ARHGAP28: variants seen among roughly 807,000 people sequenced by gnomAD.
ARHGAP28 encodes Rho GTPase activating protein 28.
ARHGAP28 carries 56 observed loss-of-function variants against 90.7 expected under a neutral mutation model. The observed-to-expected ratio is 0.62, with a 90% CI of 0.50 to 0.77. The LOEUF (loss-of-function observed/expected upper bound fraction) is 0.77, where lower values mean the gene tolerates loss of function less well. Ranked by LOEUF, ARHGAP28 falls within the 30% of genes least tolerant of loss-of-function variation. ARHGAP28 has a pLI of 0.00. For missense variants in ARHGAP28, 869 were observed against 900.9 expected (o/e 0.96, Z 0.45); for synonymous variants, 308 against 323.3 (o/e 0.95, Z 0.51).
chr18:6,896,598 A>T lies in ARHGAP28; in HGVS notation c.2002A>T (p.Ile668Leu). The change falls in exon 16 of 18, where the codon ATA becomes TTA. Residue 668 changes from isoleucine (I) to leucine (L), a missense_variant. By Grantham distance (5) the Ile-to-Leu change is conservative. Transcript: ENST00000383472. ...CAACAATCAAACCAAAGCCAAAGAC[A>T]TATTGGCAAAATTTCAATATGAAAA... Reference protein sequence around the residue: ...QLNNQTKAKDILAKFQYENSH... With the variant: ...QLNNQTKAKDLLAKFQYENSH... 6.2e-7 allele frequency: 1 copy of T among 1,614,162 alleles called. No individual in the cohort carries two copies. Among genetic ancestry groups the T allele is most frequent in the Non-Finnish European group, 8.5e-7 (1 of 1,180,014 alleles).
rs146959306 is a variant in ARHGAP28 at position 6,736,072 on chromosome 18, A to G, written c.122+6129A>G. 1.4e-3 allele frequency among the ~76,000 whole-genome samples: 214 copies of G among 152,322 alleles called. 1 individual carries two copies. Among genetic ancestry groups the G allele is most frequent in the Admixed American group, 3.1e-3 (48 of 15,300 alleles). The stretch of plus-strand genomic sequence containing the variant: ...GGAGAGATACTTTGAGACTGTGGAA[A>G]TATCCTTTTTCTCCTTAAACTTTTA... On this transcript the variant is annotated intron_variant, in intron 1 of 17. Transcript: ENST00000383472.
intron 1 of ARHGAP28, among the ~76,000 whole-genome samples, chr18:6,786,066 T>G (rs1036473790): frequency 3.3e-5 from 5 of 152,156 alleles, no homozygotes; most frequent in African/African-American, 1.2e-4. Flanking sequence ...GAAGTTCTAT[T>G]GGGAGGAACA....
At chr18:6,729,964 C>G (rs1167139252) in intron 1 of ARHGAP28, 21 bp downstream of exon 1, 1 of 1,327,736 alleles carries the variant, frequency 7.5e-7, no homozygotes, top group Admixed American at 4.1e-5. Flanking sequence ...CCGCTCCCAC[C>G]AGGGCGGCGC....
At chr18:6,831,471 GTTTTTTT>G (rs57331018) in intron 2 of ARHGAP28, among the ~76,000 whole-genome samples, 1 of 109,306 alleles carries the variant, frequency 9.1e-6, no homozygotes, top group African/African-American at 3.5e-5. Context: ...GTATCTTGAT[GTTTTTTT>G]TTTTTTTTTC....
chr18:6,732,918 G>C (rs2055894960), intron 1 of ARHGAP28, among the ~76,000 whole-genome samples: 1 of 151,874 alleles, frequency 6.6e-6, no homozygotes, highest in Non-Finnish European at 1.5e-5. Context: ...CAAACTTTTG[G>C]TACTTGCATC....
intron 1 of ARHGAP28, 142 bp from the exon 2 acceptor site, chr18:6,824,620 C>T: frequency 1.4e-6 from 1 of 702,662 alleles, no homozygotes; most frequent in Non-Finnish European, 2.2e-6. Context: ...AGATTATTCC[C>T]TCAAACCTAT....
intron 1 of ARHGAP28, among the ~76,000 whole-genome samples, chr18:6,753,089 A>C (rs1407777215): frequency 1.3e-5 from 2 of 152,136 alleles, no homozygotes; most frequent in African/African-American, 4.8e-5. Flanking sequence ...CTGGGTCTAG[A>C]CTAGATGTAA....
chr18:6,909,168 G>C (rs2057380564), intron 17 of ARHGAP28, 144 bp downstream of exon 17: 1 of 570,502 alleles, frequency 1.8e-6, no homozygotes, highest in African/African-American at 1.9e-5. Context: ...TATCTCATGT[G>C]GGAACAGTTG....
At chr18:6,902,996 A>G (rs1567988642) in intron 16 of ARHGAP28, among the ~76,000 whole-genome samples, 1 of 152,236 alleles carries the variant, frequency 6.6e-6, no homozygotes, top group South Asian at 2.1e-4. Context: ...AAGGAAAGAA[A>G]TTCTGACATA....
intron 1 of ARHGAP28, among the ~76,000 whole-genome samples, chr18:6,803,096 T>C (rs924692227): frequency 6.6e-6 from 1 of 152,200 alleles, no homozygotes; most frequent in Non-Finnish European, 1.5e-5. Flanking sequence ...TCTTGCCTGA[T>C]TGCATTGGTT....
chr18:6,827,689 C>G (rs1237865253), intron 2 of ARHGAP28, among the ~76,000 whole-genome samples: 1 of 151,496 alleles, frequency 6.6e-6, no homozygotes, highest in Non-Finnish European at 1.5e-5. Flanking sequence ...TGGGCGGAGA[C>G]GCTTCTCACT....
rs148521459 is a variant in ARHGAP28 at position 6,814,803 on chromosome 18, A to C, written c.123-9959A>C. The stretch of plus-strand genomic sequence containing the variant: ...TTGATATAAAAAGACAATTTTTAAA[A>C]AGATGTTTATCCAGATTACTTGGTG... On this transcript the variant is annotated intron_variant, in intron 1 of 17. Transcript: ENST00000383472. Among the ~76,000 whole-genome samples, 512 of 152,352 alleles carry C rather than the reference A, an allele frequency of 3.4e-3. 3 individuals carry two copies. Among genetic ancestry groups the C allele is most frequent in the African/African-American group, 0.012 (486 of 41,588 alleles).
chr18:6,856,525 T>TC (rs2143333390), intron 4 of ARHGAP28, among the ~76,000 whole-genome samples: 1 of 152,264 alleles, frequency 6.6e-6, no homozygotes, highest in South Asian at 2.1e-4. Flanking sequence ...TTTTTGTGTT[T>TC]TAGAGACAGG....
intron 1 of ARHGAP28, among the ~76,000 whole-genome samples, chr18:6,793,029 C>T (rs183037227): frequency 1.3e-5 from 2 of 152,270 alleles, no homozygotes; most frequent in East Asian, 3.9e-4. Flanking sequence ...TATTATTCTG[C>T]ATGATTTGTT....
At chr18:6,859,710 T>C in intron 4 of ARHGAP28, 98 bp from the exon 5 acceptor site, 1 of 1,181,828 alleles carries the variant, frequency 8.5e-7, no homozygotes, top group Non-Finnish European at 1.2e-6. Flanking sequence ...ATTGCATATA[T>C]TGCCACACAT....
chr18:6,826,117 G>GTTTTTTTTTTTTTTTTTT (rs35995654), intron 2 of ARHGAP28, among the ~76,000 whole-genome samples: 4 of 138,506 alleles, frequency 2.9e-5, no homozygotes, highest in African/African-American at 5.4e-5. Flanking sequence ...CATTGCCAGT[G>GTTTTTTTTTTTTTTTTTT]TTTTTTTTTT....
chr18:6,890,129 C>A (rs1236859762), intron 13 of ARHGAP28, 44 bp downstream of exon 13: 2 of 1,599,974 alleles, frequency 1.3e-6, no homozygotes, highest in Admixed American at 1.7e-5. Flanking sequence ...AAGTCCATGT[C>A]CCCAGGAAAC....
intron 1 of ARHGAP28, among the ~76,000 whole-genome samples, chr18:6,818,716 G>A (rs1052546187): frequency 1.1e-4 from 16 of 152,188 alleles, no homozygotes; most frequent in South Asian, 2.1e-4. Flanking sequence ...TGCTTGGGGA[G>A]AAAGAAGGTT....
chr18:6,811,833 CATTA>C (rs1258532434), intron 1 of ARHGAP28, among the ~76,000 whole-genome samples: 3 of 152,074 alleles, frequency 2.0e-5, no homozygotes, highest in East Asian at 1.9e-4. Context: ...CAATCTTTCC[CATTA>C]ATTATTAATT....
Sources: gnomAD v4.1 joint callset for allele counts (sites outside exome capture counted in the v4.1 genomes callset) on GRCh38, gnomAD v4.1.1 for gene constraint, MANE v1.5 for transcripts, NCBI Gene and HGNC (gene_info 2026-07-23, HGNC 2026-07-21) for gene names.